AK4: variants seen among roughly 807,000 people sequenced by gnomAD.
AK4 encodes adenylate kinase 4, also known as adenylate kinase 4, mitochondrial.
Under a neutral mutation model 24.6 loss-of-function variants are expected in AK4, and 13 were observed. The observed-to-expected ratio is 0.53, with a 90% CI of 0.34 to 0.84. The LOEUF (loss-of-function observed/expected upper bound fraction) is 0.84. AK4 is among the 40% of genes least tolerant of loss of function. AK4 has a pLI of 0.01. For missense variants in AK4, 192 were observed against 288.2 expected (o/e 0.67, Z 2.42); for synonymous variants, 88 against 107.0 (o/e 0.82, Z 1.10).
In AK4 at chr1:65,231,879, CTT is replaced by C. The variant is rs1652658834; in HGVS notation, c.*5704_*5705del. The C allele has an allele frequency of 6.6e-6, 1 of 152,162 alleles. No individual in the cohort carries two copies. The highest frequency in any genetic ancestry group is 2.1e-4 in the South Asian group (1 of 4,822). 9.4% of individuals were successfully genotyped at this position (152,162 alleles called of 1,614,324 possible). A position where few individuals can be genotyped will look rare whatever the true frequency, so the allele number is the denominator to read the frequency against. On this transcript the variant is annotated 3_prime_UTR_variant, in exon 5 of 5. Coordinates refer to ENST00000327299, the MANE Select transcript of AK4 (RefSeq NM_013410.4). Reference sequence around the variant, plus strand: ...TCTATAACCCAATGACAACCTGTCTCTTTGGTTTACTGTCCTGTGAAATGTCA... The same window carrying C: ...TCTATAACCCAATGACAACCTGTCTCTGGTTTACTGTCCTGTGAAATGTCA...
intron 2 of AK4, among the ~76,000 whole-genome samples, chr1:65,194,879 G>A (rs990203246): frequency 2.0e-5 from 3 of 152,088 alleles, no homozygotes; most frequent in Non-Finnish European, 2.9e-5. Flanking sequence ...GTTACTAGCC[G>A]CTTCCTCCAA....
At position 65,226,060 on chromosome 1, in the gene AK4, C is replaced by A. The variant is rs142579030; in HGVS notation, c.558-3C>A. On this transcript the variant is annotated splice_region_variant and splice_polypyrimidine_tract_variant and intron_variant, in intron 4 of 4. Transcript: ENST00000327299. ...CCATTGTATGTTGGGCTTTGTTTTT[C>A]AGGAGCCGAGGAGTGCTCCACCAAT... 6.2e-7 allele frequency: 1 copy of A among 1,611,968 alleles called. No homozygotes were observed. Among genetic ancestry groups the A allele is most frequent in the Non-Finnish European group, 8.5e-7 (1 of 1,179,772 alleles).
At chr1:65,175,466 C>G (rs1261833501) in intron 1 of AK4, among the ~76,000 whole-genome samples, 2 of 152,210 alleles carry the variant, frequency 1.3e-5, no homozygotes, top group African/African-American at 4.8e-5. Context: ...AGCCAAGATC[C>G]TGTTCAGAGA....
At chr1:65,155,497 A>T (rs534430088) in intron 1 of AK4, among the ~76,000 whole-genome samples, 1 of 152,294 alleles carries the variant, frequency 6.6e-6, no homozygotes, top group East Asian at 1.9e-4. Flanking sequence ...AAAATGAAAA[A>T]TATTTTATTT....
At position 65,229,535 on chromosome 1, in the gene AK4, TAAAAAA is replaced by T. The variant is rs374765471; in HGVS notation, c.*3365_*3370del. 1 of 145,722 alleles carries T rather than the reference TAAAAAA, an allele frequency of 6.9e-6. No individual in the cohort carries two copies. The highest frequency in any genetic ancestry group is 1.5e-5 in the Non-Finnish European group (1 of 65,786). 9.0% of individuals were successfully genotyped at this position (145,722 alleles called of 1,614,324 possible). On this transcript the variant is annotated 3_prime_UTR_variant, in exon 5 of 5. Coordinates refer to ENST00000327299, the MANE Select transcript of AK4 (RefSeq NM_013410.4). ...GGCGACACAGCGAGACCCTCTCTCT[TAAAAAA>T]AAAAAATAGCAGAGCTCACCAAAGT... is the stretch of plus-strand genomic sequence containing the variant.
Position 65,218,740 on chromosome 1 carries a change from T to A in AK4, c.266-14T>A, listed in dbSNP as rs1318249065. Reference sequence around the variant, plus strand: ...AATAGCTTGCATTTCACTTGTTTTGTTCTTTGCATTTAGGTTTTCCTAGGA... The same window carrying A: ...AATAGCTTGCATTTCACTTGTTTTGATCTTTGCATTTAGGTTTTCCTAGGA... On this transcript the variant is annotated splice_polypyrimidine_tract_variant and intron_variant, in intron 2 of 4. Coordinates refer to ENST00000327299, the MANE Select transcript of AK4 (RefSeq NM_013410.4). 1.9e-6 allele frequency: 3 copies of A among 1,564,484 alleles called. No homozygotes were observed. The highest frequency in any genetic ancestry group is 2.6e-6 in the Non-Finnish European group (3 of 1,156,920).
chr1:65,181,652 T>G (rs971174946), intron 1 of AK4, among the ~76,000 whole-genome samples: 2 of 152,184 alleles, frequency 1.3e-5, no homozygotes, highest in African/African-American at 4.8e-5. Flanking sequence ...CCTCCCAAAG[T>G]GCTGGGATTA....
At chr1:65,180,965 G>A (rs987659548) in intron 1 of AK4, among the ~76,000 whole-genome samples, 1 of 152,050 alleles carries the variant, frequency 6.6e-6, no homozygotes, top group African/African-American at 2.4e-5. Flanking sequence ...CTCATTTACA[G>A]GAATCTTACT....
rs577241584 is a variant in AK4 at position 65,162,733 on chromosome 1, C to T, written c.145+14181C>T. 5.9e-5 allele frequency among the ~76,000 whole-genome samples: 9 copies of T among 151,878 alleles called. No individual in the cohort carries two copies. In the South Asian group the frequency reaches 1.5e-3, roughly 25 times the overall value. On this transcript the variant is annotated intron_variant, in intron 1 of 4. Coordinates refer to ENST00000327299, the MANE Select transcript of AK4 (RefSeq NM_013410.4). ...TCCTATATTTTACAGAGTTGTAAAA[C>T]GATCACCACTATCTAATTTCAGAAC...
chr1:65,157,778 G>A (rs1650028113), intron 1 of AK4, among the ~76,000 whole-genome samples: 1 of 151,968 alleles, frequency 6.6e-6, no homozygotes, highest in Non-Finnish European at 1.5e-5. Context: ...AACAGAGCAA[G>A]ACCCTGTCTC....
chr1:65,185,147 G>A (rs1160628720), intron 1 of AK4, among the ~76,000 whole-genome samples: 1 of 152,054 alleles, frequency 6.6e-6, no homozygotes, highest in Admixed American at 6.5e-5. Flanking sequence ...CTTGTGCTTG[G>A]ATTATTATCG....
intron 1 of AK4, among the ~76,000 whole-genome samples, chr1:65,169,175 C>CAAAAAAA (rs577188503): frequency 1.5e-5 from 1 of 64,780 alleles, no homozygotes; most frequent in Admixed American, 1.5e-4. Flanking sequence ...GACGCTGTCT[C>CAAAAAAA]AAAAAAAAAA....
chr1:65,190,466 G>A (rs1458218566), intron 1 of AK4, among the ~76,000 whole-genome samples: 1 of 146,832 alleles, frequency 6.8e-6, no homozygotes, highest in African/African-American at 2.5e-5. Flanking sequence ...GGGGCGGGAG[G>A]AGGGGTGGTG....
chr1:65,159,992 T>C (rs1650106752), intron 1 of AK4, among the ~76,000 whole-genome samples: 1 of 134,680 alleles, frequency 7.4e-6, no homozygotes, highest in African/African-American at 3.0e-5. Flanking sequence ...AAAAAAAAAG[T>C]TGAGTGACAA....
At chr1:65,194,540 C>T (rs773200803) in intron 2 of AK4, among the ~76,000 whole-genome samples, 1 of 152,156 alleles carries the variant, frequency 6.6e-6, no homozygotes, top group Non-Finnish European at 1.5e-5. Context: ...CAGCTCACTG[C>T]AACCTCCACC....
chr1:65,190,080 A>G (rs1570108101), intron 1 of AK4, among the ~76,000 whole-genome samples: 1 of 152,134 alleles, frequency 6.6e-6, no homozygotes, highest in Non-Finnish European at 1.5e-5. Context: ...CCTTGTTACC[A>G]TAAACTGTTG....
At chr1:65,219,995 T>A (rs892373539) in intron 3 of AK4, among the ~76,000 whole-genome samples, 1 of 152,248 alleles carries the variant, frequency 6.6e-6, no homozygotes, top group Non-Finnish European at 1.5e-5. Context: ...TGGAATCATA[T>A]AGTATATCTA....
At chr1:65,203,370 T>TA (rs749012453) in intron 2 of AK4, among the ~76,000 whole-genome samples, 18 of 152,262 alleles carry the variant, frequency 1.2e-4, no homozygotes, top group Admixed American at 7.8e-4. Context: ...CCAATAGAAA[T>TA]ACCTTGATAC....
chr1:65,174,260 T>C, intron 1 of AK4, among the ~76,000 whole-genome samples: 1 of 152,156 alleles, frequency 6.6e-6, no homozygotes, highest in Non-Finnish European at 1.5e-5. Context: ...CATAGGCAGA[T>C]GTTTTGACAC....
Sources: gnomAD v4.1 joint callset for allele counts (sites outside exome capture counted in the v4.1 genomes callset) on GRCh38, gnomAD v4.1.1 for gene constraint, MANE v1.5 for transcripts, NCBI Gene and HGNC (gene_info 2026-07-23, HGNC 2026-07-21) for gene names.